SDCCAG8: variants seen among roughly 807,000 people sequenced by gnomAD.
SDCCAG8 encodes SHH signaling and ciliogenesis regulator SDCCAG8, also known as serologically defined colon cancer antigen 8.
SDCCAG8 carries 74 observed loss-of-function variants against 101.8 expected under a neutral mutation model. The observed-to-expected ratio is 0.73, with a 90% CI of 0.60 to 0.88. The LOEUF is 0.88. Among genes scored for constraint, SDCCAG8 ranks in the 40% least tolerant of loss-of-function variants. The pLI is 0.00. For synonymous variants in SDCCAG8, 281 were observed against 292.9 expected, an observed-to-expected ratio of 0.96 and a Z score of 0.41; for missense variants, 787 against 822.6, an observed-to-expected ratio of 0.96 and a Z score of 0.53.
At chr1:243,359,372 T>C (rs2076564669) in intron 12 of SDCCAG8, among the ~76,000 whole-genome samples, 1 of 152,244 alleles carries the variant, frequency 6.6e-6, no homozygotes, top group Non-Finnish European at 1.5e-5. Context: ...ACTCCGTGAA[T>C]GTACTAAAAA....
At chr1:243,443,868 T>G (rs530325153) in intron 16 of SDCCAG8, among the ~76,000 whole-genome samples, 2 of 152,298 alleles carry the variant, frequency 1.3e-5, no homozygotes, top group South Asian at 4.1e-4. Flanking sequence ...TTTTATTATT[T>G]TTTATTTATA....
intron 13 of SDCCAG8, among the ~76,000 whole-genome samples, chr1:243,402,406 TAAAA>T (rs201645972): frequency 1.6e-5 from 2 of 123,262 alleles, no homozygotes; most frequent in Non-Finnish European, 3.5e-5. Flanking sequence ...CTGTCTCAAT[TAAAA>T]AAAAAAAAAA....
chr1:243,479,829 G>A (rs898644865), intron 16 of SDCCAG8, among the ~76,000 whole-genome samples: 11 of 152,034 alleles, frequency 7.2e-5, no homozygotes, highest in Admixed American at 1.3e-4. Flanking sequence ...AACTCATTTC[G>A]TATGTGTGAT....
At chr1:243,264,460 C>G (rs1038900944) in intron 1 of SDCCAG8, among the ~76,000 whole-genome samples, 2 of 152,154 alleles carry the variant, frequency 1.3e-5, no homozygotes, top group East Asian at 3.9e-4. Flanking sequence ...ACCAAAAATA[C>G]AAAATTACCC....
At chr1:243,323,133 TA>T (rs1008031575) in intron 9 of SDCCAG8, among the ~76,000 whole-genome samples, 3,021 of 136,620 alleles carry the variant, frequency 0.022, 77 homozygotes, top group African/African-American at 0.064. Flanking sequence ...GACTCCATCT[TA>T]AAAAAAAAAA....
intron 1 of SDCCAG8, among the ~76,000 whole-genome samples, chr1:243,268,971 G>C (rs1236928350): frequency 1.3e-5 from 2 of 151,680 alleles, no homozygotes; most frequent in Non-Finnish European, 2.9e-5. Context: ...GAGTCCTCTG[G>C]AGGACTGGGC....
intron 15 of SDCCAG8, among the ~76,000 whole-genome samples, chr1:243,425,175 A>G (rs1468391417): frequency 6.6e-6 from 1 of 152,144 alleles, no homozygotes; most frequent in Non-Finnish European, 1.5e-5. Context: ...GCTCTCATAC[A>G]GAATATGGTA....
chr1:243,263,341 G>A (rs1186845910), intron 1 of SDCCAG8, among the ~76,000 whole-genome samples: 1 of 152,140 alleles, frequency 6.6e-6, no homozygotes, highest in Non-Finnish European at 1.5e-5. Flanking sequence ...GAATTATCAG[G>A]TCCAAACTGT....
chr1:243,418,402 T>G (rs1225117294), intron 15 of SDCCAG8, among the ~76,000 whole-genome samples: 1 of 152,306 alleles, frequency 6.6e-6, no homozygotes, highest in Middle Eastern at 3.4e-3. Context: ...TACATAGGTA[T>G]GGTTAACACA....
chr1:243,312,235 C>G (rs939198660), intron 8 of SDCCAG8, among the ~76,000 whole-genome samples: 1 of 152,112 alleles, frequency 6.6e-6, no homozygotes, highest in Non-Finnish European at 1.5e-5. Context: ...GAAGCCTGCC[C>G]CCTCCATAAG....
intron 16 of SDCCAG8, among the ~76,000 whole-genome samples, chr1:243,449,637 G>A (rs1020402611): frequency 4.6e-5 from 7 of 152,250 alleles, no homozygotes; most frequent in Admixed American, 2.6e-4. Flanking sequence ...TGTGACCGAC[G>A]TCTGGAAGTG....
At chr1:243,496,284 C>T (rs1219480209) in intron 17 of SDCCAG8, among the ~76,000 whole-genome samples, 1 of 152,172 alleles carries the variant, frequency 6.6e-6, no homozygotes, top group East Asian at 1.9e-4. Context: ...CGGAGCCGGG[C>T]CTGGCTGGAA....
chr1:243,298,738 G>T (rs1165720322), intron 6 of SDCCAG8, among the ~76,000 whole-genome samples: 1 of 152,162 alleles, frequency 6.6e-6, no homozygotes, highest in Non-Finnish European at 1.5e-5. Flanking sequence ...TGGAAAGGTA[G>T]TCCTTTGCCT....
rs774019484 is a variant in SDCCAG8, at chr1:243,316,912, AAAT to A, written c.1068+22_1068+24del. Reference sequence around the variant, plus strand: ...AACCAAGGCAAGTCTAATAAGATGCAAATAAAAGTGTCTTTCTTTTTTTTTTCT... The same window carrying A: ...AACCAAGGCAAGTCTAATAAGATGCAAAAAGTGTCTTTCTTTTTTTTTTCT... On this transcript the variant is annotated intron_variant, in intron 9 of 17. Coordinates refer to ENST00000366541, the MANE Select transcript of SDCCAG8 (RefSeq NM_006642.5). 6.2e-7 allele frequency: 1 copy of A among 1,612,224 alleles called. No homozygotes were observed. Among genetic ancestry groups the A allele is most frequent in the Non-Finnish European group, 8.5e-7 (1 of 1,179,106 alleles).
At chr1:243,257,658 T>G (rs2066875946) in intron 1 of SDCCAG8, among the ~76,000 whole-genome samples, 1 of 152,236 alleles carries the variant, frequency 6.6e-6, no homozygotes, top group African/African-American at 2.4e-5. Flanking sequence ...TACTATGTAT[T>G]GTTACATCTG....
intron 16 of SDCCAG8, among the ~76,000 whole-genome samples, chr1:243,482,248 T>G (rs1663889526): frequency 6.6e-6 from 1 of 152,216 alleles, no homozygotes. Flanking sequence ...CATCTTATCT[T>G]GAAGCCTTGC....
intron 16 of SDCCAG8, among the ~76,000 whole-genome samples, chr1:243,438,302 T>A (rs1362114193): frequency 6.6e-6 from 1 of 152,236 alleles, no homozygotes; most frequent in African/African-American, 2.4e-5. Context: ...AAAGGTTGGC[T>A]GCTTTCCTTT....
chr1:243,306,583 A>C (rs1213835103), intron 7 of SDCCAG8: 1 of 152,156 alleles, frequency 6.6e-6, no homozygotes, highest in Non-Finnish European at 1.5e-5. Context: ...TGCCATTTCT[A>C]GTAACCAAAT....
At chr1:243,360,726 G>A (rs556098166) in intron 12 of SDCCAG8, among the ~76,000 whole-genome samples, 7 of 152,228 alleles carry the variant, frequency 4.6e-5, no homozygotes, top group Admixed American at 3.9e-4. Flanking sequence ...GGAGGCTGAG[G>A]CAGGAGAATC....
Sources: gnomAD v4.1 joint callset for allele counts (sites outside exome capture counted in the v4.1 genomes callset) on GRCh38, gnomAD v4.1.1 for gene constraint, MANE v1.5 for transcripts, NCBI Gene and HGNC (gene_info 2026-07-23, HGNC 2026-07-21) for gene names.